Variants in GRIK2 observed in about 807,000 individuals in gnomAD.
GRIK2 encodes the protein glutamate ionotropic receptor kainate type subunit 2, also known as glutamate receptor ionotropic, kainate 2.
GRIK2 carries 32 observed loss-of-function variants against 100.3 expected under a neutral mutation model. The observed-to-expected ratio is 0.32, with a 90% confidence interval of 0.24 to 0.43. The LOEUF (loss-of-function observed/expected upper bound fraction) is 0.43, where lower values mean the gene tolerates loss of function less well. Ranked by LOEUF, GRIK2 falls within the 20% of genes least tolerant of loss-of-function variation. The pLI is 1.00. For missense variants in GRIK2, 843 were observed against 1,114.9 expected (o/e 0.76, Z 3.47); for synonymous variants, 417 against 389.4 (o/e 1.07, Z -0.83).
chr6:102,065,598 C>T (rs762292742), intron 16 of GRIK2, among the ~76,000 whole-genome samples: 1 of 151,160 alleles, frequency 6.6e-6, no homozygotes, highest in Non-Finnish European at 1.5e-5. Context: ...GTAATGTAAC[C>T]AAAATATCTG....
At position 102,068,448 on chromosome 6, in the gene GRIK2, A is replaced by G. The variant is rs1367726550; in HGVS notation, c.2664A>G (p.Glu888=). Residue 888 remains glutamate (E), a synonymous_variant, in exon 17 of 17, where the codon GAA becomes GAG. Transcript: ENST00000369134. ...KPQAPVIVKT[E]EVINMHTFND... ...AGGCCCCAGTTATTGTGAAAACAGA[A>G]GAAGTTATCAACATGCACACATTTA... 6.2e-7 allele frequency: 1 copy of G among 1,612,244 alleles called. No homozygotes were observed.
intron 7 of GRIK2, among the ~76,000 whole-genome samples, chr6:101,703,912 T>C (rs1242676639): frequency 6.6e-6 from 1 of 151,758 alleles, no homozygotes; most frequent in Admixed American, 6.6e-5. Flanking sequence ...AGAGTAGTTC[T>C]TGACTCATTT....
chr6:101,791,914 A>G (rs1779895055), intron 7 of GRIK2, among the ~76,000 whole-genome samples: 1 of 152,060 alleles, frequency 6.6e-6, no homozygotes, highest in Non-Finnish European at 1.5e-5. Context: ...ATATATATTT[A>G]GGATAGTTAT....
chr6:101,605,759 A>G (rs560171865), intron 2 of GRIK2, among the ~76,000 whole-genome samples: 3 of 152,188 alleles, frequency 2.0e-5, no homozygotes, highest in Non-Finnish European at 4.4e-5. Context: ...TATACCTTCA[A>G]TGATGACCTT....
chr6:101,569,678 A>G (rs1777441179), intron 2 of GRIK2, among the ~76,000 whole-genome samples: 1 of 152,034 alleles, frequency 6.6e-6, no homozygotes, highest in African/African-American at 2.4e-5. Context: ...TGATATTTCT[A>G]TCCAAAGAAT....
intron 2 of GRIK2, among the ~76,000 whole-genome samples, chr6:101,402,447 C>T (rs1048498489): frequency 6.6e-6 from 1 of 152,186 alleles, no homozygotes; most frequent in Non-Finnish European, 1.5e-5. Context: ...GCTGCACAGG[C>T]TGGCCTGCTC....
intron 2 of GRIK2, among the ~76,000 whole-genome samples, chr6:101,604,498 A>G (rs1779359870): frequency 6.6e-6 from 1 of 151,908 alleles, no homozygotes; most frequent in African/African-American, 2.4e-5. Context: ...GATGAATGCC[A>G]TAGCTTTAAG....
At chr6:101,693,083 C>T (rs935978247) in intron 7 of GRIK2, among the ~76,000 whole-genome samples, 5 of 152,010 alleles carry the variant, frequency 3.3e-5, no homozygotes, top group African/African-American at 4.8e-5. Context: ...TAACATAGAA[C>T]ATTTCGTCTA....
At chr6:101,419,441 T>C (rs190170983) in intron 2 of GRIK2, among the ~76,000 whole-genome samples, 1 of 152,320 alleles carries the variant, frequency 6.6e-6, no homozygotes, top group Non-Finnish European at 1.5e-5. Context: ...AGAGATTCTC[T>C]ACAGCTACAG....
At chr6:101,951,156 A>G (rs1475716206) in intron 14 of GRIK2, among the ~76,000 whole-genome samples, 3 of 152,216 alleles carry the variant, frequency 2.0e-5, no homozygotes, top group Admixed American at 2.0e-4. Context: ...TTAAAACTGG[A>G]AATACATAAT....
At chr6:101,809,136 T>G (rs1306304831) in intron 9 of GRIK2, among the ~76,000 whole-genome samples, 1 of 151,926 alleles carries the variant, frequency 6.6e-6, no homozygotes, top group Admixed American at 6.6e-5. Flanking sequence ...CTTATGCTTT[T>G]TAAATATTTA....
intron 2 of GRIK2, among the ~76,000 whole-genome samples, chr6:101,601,169 G>A (rs1174057779): frequency 6.8e-6 from 1 of 147,244 alleles, no homozygotes; most frequent in African/African-American, 2.5e-5. Context: ...TTTATCAAAT[G>A]CTTTTTCTGT....
chr6:101,949,956 A>G lies in GRIK2; in HGVS notation c.2085+21324A>G, dbSNP rs115372196. On this transcript the variant is annotated intron_variant, in intron 14 of 16. Transcript: ENST00000369134. ...ACACTGTCTTCATCTTTTTGAAAAT[A>G]TTATATGTCTCAATCATGCTGATTT... 5.3e-3 allele frequency among the ~76,000 whole-genome samples: 803 copies of G among 152,208 alleles called. 6 individuals are homozygous for G. Among genetic ancestry groups the G allele is most frequent in the African/African-American group, 0.018 (761 of 41,542 alleles).
chr6:101,416,174 A>T (rs1374216268), intron 2 of GRIK2, among the ~76,000 whole-genome samples: 2 of 152,236 alleles, frequency 1.3e-5, no homozygotes, highest in Admixed American at 6.5e-5. Flanking sequence ...TTAGGAACAC[A>T]AAGGGCCAGT....
chr6:101,955,576 T>TTCTCTCTCTCTC (rs60603807), intron 14 of GRIK2, among the ~76,000 whole-genome samples: 56 of 116,336 alleles, frequency 4.8e-4, no homozygotes, highest in African/African-American at 1.6e-3. Flanking sequence ...GAGCAAGGCC[T>TTCTCTCTCTCTC]TCTCTCTCTC....
intron 2 of GRIK2, chr6:101,431,161 C>T (rs1307108812): frequency 4.3e-6 from 1 of 232,312 alleles, no homozygotes; most frequent in Non-Finnish European, 9.4e-6. Flanking sequence ...ACTGGGTGCT[C>T]CTCAGGAACC....
chr6:101,500,675 A>T (rs898195988), intron 2 of GRIK2, among the ~76,000 whole-genome samples: 1 of 152,094 alleles, frequency 6.6e-6, no homozygotes, highest in Non-Finnish European at 1.5e-5. Context: ...GAAAGTACAT[A>T]CTATAAAAGC....
intron 11 of GRIK2, among the ~76,000 whole-genome samples, chr6:101,873,367 T>A (rs1391991075): frequency 1.3e-5 from 2 of 151,272 alleles, no homozygotes; most frequent in East Asian, 3.9e-4. Context: ...GTCCTTGTAA[T>A]AGTTTGCTGA....
chr6:101,653,593 CAG>C (rs1425875861), intron 4 of GRIK2, among the ~76,000 whole-genome samples: 1 of 152,012 alleles, frequency 6.6e-6, no homozygotes, highest in East Asian at 1.9e-4. Flanking sequence ...TGATTTAACT[CAG>C]AGTCCTTTAA....
Sources: allele counts gnomAD v4.1 joint callset (sites outside exome capture counted in the v4.1 genomes callset), GRCh38; gene constraint gnomAD v4.1.1; transcripts MANE v1.5; gene names NCBI Gene and HGNC (gene_info 2026-07-23, HGNC 2026-07-21).